GRIN2C: variants seen among roughly 807,000 people sequenced by gnomAD.
GRIN2C encodes glutamate receptor ionotropic, NMDA 2C.
A neutral mutation model predicts 77.7 loss-of-function variants in GRIN2C; 64 were observed. That is an observed-to-expected ratio of 0.82 (90% CI 0.67 to 1.01). The LOEUF is 1.01. GRIN2C is among the 50% of genes least tolerant of loss of function. The probability of loss-of-function intolerance (pLI) is 0.00; values close to 1 mark genes in which losing one functional copy is unlikely to be tolerated. For missense variants in GRIN2C, 1,549 were observed against 1,486.0 expected (o/e 1.04, Z -0.70); for synonymous variants, 792 against 643.4 (o/e 1.23, Z -3.49).
chr17:74,846,865 C>T lies in GRIN2C; in HGVS notation c.2057G>A (p.Gly686Asp), dbSNP rs373417749. The change falls in exon 10 of 13, where the codon GGC (glycine) becomes GAC (aspartate). Residue 686 changes from glycine to aspartate, a missense_variant. Physicochemically the swap from Gly to Asp is moderately conservative, Grantham distance 94 (BLOSUM62 -1). This residue lies in a region of GRIN2C where 717 missense variants were observed against 858.1 expected (regional missense o/e 0.84). Transcript: ENST00000293190. This position sits in a 1 kb window ranked among gnomAD's most constrained non-coding sequence, Gnocchi z 4.4. ...ACTGCGGATGTTCCGCTCCGTGCTG[C>T]CGTTGGGCACCGTGCCGAAGCGGAA... Reference protein sequence around the residue: ...PPFRFGTVPNGSTERNIRSNY... With the variant: ...PPFRFGTVPNDSTERNIRSNY... The T allele has an allele frequency of 1.9e-6, 3 of 1,614,130 alleles. No individual in the cohort carries two copies. Among genetic ancestry groups the T allele is most frequent in the Non-Finnish European group, 2.5e-6 (3 of 1,180,016 alleles).
intron 7 of GRIN2C, among the ~76,000 whole-genome samples, chr17:74,848,527 C>T (rs1161815284): frequency 1.3e-5 from 2 of 152,274 alleles, no homozygotes; most frequent in East Asian, 3.9e-4. Flanking sequence ...TGGCGAAACC[C>T]TGTCTCTACT....
chr17:74,848,032 C>T (rs1171619402), intron 7 of GRIN2C, 55 bp from the exon 8 acceptor site: 1 of 1,601,788 alleles, frequency 6.2e-7, no homozygotes, highest in Non-Finnish European at 8.5e-7. Context: ...GCCCCAGGCC[C>T]AGAAGCACTG....
At chr17:74,854,626 C>T (rs745959030) in intron 2 of GRIN2C, 68 bp downstream of exon 2, 1 of 1,413,164 alleles carries the variant, frequency 7.1e-7, no homozygotes, top group Non-Finnish European at 9.8e-7. Flanking sequence ...TTCCCAGAAC[C>T]AAAGCACCCC....
In GRIN2C at chr17:74,850,134, T is replaced by C; in HGVS notation, c.1491+72A>G. Reference sequence around the variant, plus strand: ...CCCATGCCCCCCTCTAGAGGGCATCTGAGAGCCACATGGGGCCTGGGCAGC... The same window carrying C: ...CCCATGCCCCCCTCTAGAGGGCATCCGAGAGCCACATGGGGCCTGGGCAGC... On this transcript the variant is annotated intron_variant, in intron 6 of 12. Coordinates refer to ENST00000293190, the MANE Select transcript of GRIN2C (RefSeq NM_000835.6). The surrounding 1 kb of genome is among the most constrained non-coding windows in gnomAD (Gnocchi z 5.3). 1 of 1,546,478 alleles carries C rather than the reference T, an allele frequency of 6.5e-7. No homozygotes were observed. The highest frequency in any genetic ancestry group is 8.9e-7 in the Non-Finnish European group (1 of 1,127,168).
rs1259796426 is a variant in GRIN2C, at chr17:74,852,491, C to G, written c.520G>C (p.Gly174Arg). 1 of 1,567,728 alleles carries G rather than the reference C, an allele frequency of 6.4e-7. No individual in the cohort carries two copies. The highest frequency in any genetic ancestry group is 1.4e-5 in the African/African-American group (1 of 70,944). ...ACGCCCTCCAGGAAGAGCGCGTGGC[C>G]CGGGTGCAGGCTGGTGATGACGGCG... ...AFAVITSLHP[G>R]HALFLEGVRA... The change falls in exon 3 of 13, where the codon GGC (glycine) becomes CGC (arginine). Residue 174 changes from glycine to arginine, a missense_variant. Transcript: ENST00000293190.
chr17:74,850,391 A>T lies in GRIN2C; in HGVS notation c.1326-20T>A. 6.2e-7 allele frequency: 1 copy of T among 1,605,626 alleles called. No homozygotes were observed. Among genetic ancestry groups the T allele is most frequent in the South Asian group, 1.1e-5 (1 of 91,066 alleles). On this transcript the variant is annotated intron_variant, in intron 5 of 12. Transcript: ENST00000293190. The surrounding 1 kb of genome is among the most constrained non-coding windows in gnomAD (Gnocchi z 5.3). The stretch of plus-strand genomic sequence containing the variant: ...CCGCTGCTGCAGCCATGCCGCCATG[A>T]GACCACCGGGAGTCAGAGTATGTCG...
At position 74,843,452 on chromosome 17, in the gene GRIN2C, C is replaced by T. The variant is rs1197630179; in HGVS notation, c.2685G>A (p.Lys895=). ...TASSAQASVL[K]MLQAARDMVT... ...CCATGTCGCGGGCTGCCTGCAGCATCTTGAGCACGCTGGCCTGGGCCGAGC... is the reference window on the plus strand; with the variant it reads ...CCATGTCGCGGGCTGCCTGCAGCATTTTGAGCACGCTGGCCTGGGCCGAGC... Residue 895 remains lysine, a synonymous_variant, in exon 13 of 13, where the codon AAG becomes AAA. Coordinates refer to ENST00000293190, the MANE Select transcript of GRIN2C (RefSeq NM_000835.6). The T allele has an allele frequency of 2.8e-5, 43 of 1,535,242 alleles. No individual in the cohort carries two copies. The highest frequency in any genetic ancestry group is 3.6e-5 in the Non-Finnish European group (41 of 1,146,338).
At chr17:74,860,307 G>A (rs999872765), upstream of GRIN2C, 38 of 406,812 alleles carry the variant, frequency 9.3e-5, no homozygotes, top group Non-Finnish European at 1.4e-4. Flanking sequence ...GTGGCCCGGG[G>A]TCAGGGACTG....
In GRIN2C at chr17:74,852,220, G is replaced by A. The variant is rs1198572798; in HGVS notation, c.791C>T (p.Ala264Val). ...VPNLALGSTD[A>V]PPATFPVGLI... is the part of the protein sequence containing the mutation. ...GCCCACGGGGAAGGTGGCGGGGGGC[G>A]CATCGGTGCTGCCCAGCGCCAGGTT... The change falls in exon 3 of 13, where the codon GCG becomes GTG. Residue 264 changes from alanine (A) to valine (V), a missense_variant. Ala to Val is a moderately conservative substitution (Grantham distance 64). This residue lies in a region of GRIN2C where 717 missense variants were observed against 858.1 expected (regional missense o/e 0.84). Transcript: ENST00000293190. 3.5e-6 allele frequency: 5 copies of A among 1,440,828 alleles called. No individual in the cohort carries two copies. Among genetic ancestry groups the A allele is most frequent in the East Asian group, 5.7e-5 (2 of 34,972 alleles). 89.3% of individuals were successfully genotyped at this position (1,440,828 alleles called of 1,614,324 possible).
At chr17:74,855,898 G>C (rs2037806451) in intron 1 of GRIN2C, among the ~76,000 whole-genome samples, 1 of 152,254 alleles carries the variant, frequency 6.6e-6, no homozygotes, top group African/African-American at 2.4e-5. Flanking sequence ...GCCTCAGCTA[G>C]TAGCAGCTCT....
In GRIN2C at chr17:74,843,253, G is replaced by A; in HGVS notation, c.2884C>T (p.Pro962Ser). 2.5e-6 allele frequency: 2 copies of A among 791,606 alleles called. No homozygotes were observed. Among genetic ancestry groups the A allele is most frequent in the Non-Finnish European group, 3.6e-6 (2 of 549,606 alleles). 49.0% of individuals were successfully genotyped at this position (791,606 alleles called of 1,614,324 possible). A position where few individuals can be genotyped will look rare whatever the true frequency, so the allele number is the denominator to read the frequency against. The part of the protein sequence containing the change: ...PPEPSPTGWG[P>S]PDGGRAALVR... ...AGCGCCGCGCGACCCCCGTCTGGCG[G>A]TCCCCAGCCCGTGGGGCTCGGCTCT... The change falls in exon 13 of 13, where the codon CCG (proline) becomes TCG (serine). Residue 962 changes from proline to serine, a missense_variant. Around this residue, in one of 3 missense-constraint regions of GRIN2C, gnomAD observed 450 missense variants for 267.9 expected, o/e 1.68. Coordinates refer to ENST00000293190, the MANE Select transcript of GRIN2C (RefSeq NM_000835.6).
rs576162554 is a variant in GRIN2C, at chr17:74,842,814, G to A, written c.3323C>T (p.Pro1108Leu). ...AGCTGPACARPDGHSACRRLA... is the reference protein window; with the variant it reads ...AGCTGPACARLDGHSACRRLA... ...GCGCCTGCAGGCCGAGTGGCCGTCG[G>A]GGCGGGCGCAGGCGGGGCCGGTGCA... Residue 1108 changes from proline to leucine, a missense_variant, in exon 13 of 13, where the codon CCC (proline) becomes CTC (leucine). Physicochemically the swap from Pro to Leu is moderately conservative, Grantham distance 98. Coordinates refer to ENST00000293190, the MANE Select transcript of GRIN2C (RefSeq NM_000835.6). 1.6e-6 allele frequency: 1 copy of A among 608,338 alleles called. No homozygotes were observed. Among genetic ancestry groups the A allele is most frequent in the Non-Finnish European group, 2.9e-6 (1 of 346,594 alleles). 37.7% of individuals were successfully genotyped at this position (608,338 alleles called of 1,614,324 possible).
chr17:74,856,082 TG>T (rs2037811513), intron 1 of GRIN2C, among the ~76,000 whole-genome samples: 1 of 152,208 alleles, frequency 6.6e-6, no homozygotes, highest in South Asian at 2.1e-4. Context: ...CACGTATCCT[TG>T]CTAAATGTCA....
rs1325304131 is a variant in GRIN2C, at chr17:74,843,376, C to T, written c.2761G>A (p.Glu921Lys). ...GCACGGCGGCCGCCACCCCAATTCT[C>T]GATGGTGCGAGTGGCGCGGTCCAGG... is the stretch of plus-strand genomic sequence containing the variant. Reference protein sequence around the residue: ...SSLDRATRTIENWGGGRRAPP... With the variant: ...SSLDRATRTIKNWGGGRRAPP... Residue 921 changes from glutamate (E) to lysine (K), a missense_variant, in exon 13 of 13, where the codon GAG becomes AAG. Around this residue, in one of 3 missense-constraint regions of GRIN2C, gnomAD observed 450 missense variants for 267.9 expected, o/e 1.68. Transcript: ENST00000293190. The T allele has an allele frequency of 3.3e-6, 5 of 1,531,186 alleles. No individual in the cohort carries two copies. The highest frequency in any genetic ancestry group is 2.2e-4 in the Middle Eastern group (1 of 4,578). 94.8% of individuals were successfully genotyped at this position (1,531,186 alleles called of 1,614,324 possible). A position where few individuals can be genotyped will look rare whatever the true frequency, so the allele number is the denominator to read the frequency against.
rs749936161 is a variant in GRIN2C at position 74,852,554 on chromosome 17, G to C, written c.457C>G (p.Leu153Val). 2 of 1,518,180 alleles carry C rather than the reference G, an allele frequency of 1.3e-6. No individual in the cohort carries two copies. Among genetic ancestry groups the C allele is most frequent in the Non-Finnish European group, 1.8e-6 (2 of 1,137,866 alleles). 94.0% of individuals were successfully genotyped at this position (1,518,180 alleles called of 1,614,324 possible). The stretch of plus-strand genomic sequence containing the variant: ...TCGTACTCTTCCAGCACCTTGAACA[G>C]CACCTGCAGCTGCTGCTCCAGGGAC... Reference protein sequence around the residue: ...GVSLEQQLQVLFKVLEEYDWS... With the variant: ...GVSLEQQLQVVFKVLEEYDWS... The change falls in exon 3 of 13, where the codon CTG (leucine) becomes GTG (valine). Residue 153 changes from leucine (L) to valine (V), a missense_variant. Physicochemically the swap from Leu to Val is conservative, Grantham distance 32 (BLOSUM62 1). Around this residue, in one of 3 missense-constraint regions of GRIN2C, gnomAD observed 382 missense variants for 360.0 expected, o/e 1.06. Transcript: ENST00000293190.
At position 74,844,526 on chromosome 17, in the gene GRIN2C, A is replaced by G. The variant is rs766587072; in HGVS notation, c.2351-18T>C. 1 of 1,609,966 alleles carries G rather than the reference A, an allele frequency of 6.2e-7. No individual in the cohort carries two copies. Among genetic ancestry groups the G allele is most frequent in the South Asian group, 1.1e-5 (1 of 90,966 alleles). ...TGTCTCTCCTGGAGTTGGGGGGTGT[A>G]CACATCTGGCTCAGGAAACCCCCCT... is the stretch of plus-strand genomic sequence containing the variant. On this transcript the variant is annotated intron_variant, in intron 11 of 12. Transcript: ENST00000293190.
chr17:74,844,172 C>T lies in GRIN2C; in HGVS notation c.2583+104G>A, dbSNP rs576014045. 3,412 of 1,530,692 alleles carry T rather than the reference C, an allele frequency of 2.2e-3. 10 individuals carry two copies. Among genetic ancestry groups the T allele is most frequent in the Non-Finnish European group, 2.6e-3 (3,022 of 1,140,654 alleles). The allele number at this position is 1,530,692 out of a possible 1,614,324, so 94.8% of individuals were successfully genotyped here. On this transcript the variant is annotated intron_variant, in intron 12 of 12. Coordinates refer to ENST00000293190, the MANE Select transcript of GRIN2C (RefSeq NM_000835.6). ...TACAGGTGTGAGCCATGAGCCGGGC[C>T]AGAACCTTGGTTTTACCTCTGGAAA...
Position 74,854,963 on chromosome 17 carries a change from C to A in GRIN2C, c.130G>T (p.Ala44Ser), listed in dbSNP as rs762932688. The A allele has an allele frequency of 1.9e-6, 3 of 1,611,742 alleles. No homozygotes were observed. The highest frequency in any genetic ancestry group is 1.7e-6 in the Non-Finnish European group (2 of 1,179,964). The stretch of plus-strand genomic sequence containing the variant: ...GGGGTGAGGCGGGCACGGAACTGGG[C>A]CTGGGGCGGCCCTGAGCTGCTAAAC... ...VVFSSSGPPQ[A>S]QFRARLTPQS... The change falls in exon 2 of 13, where the codon GCC (alanine) becomes TCC (serine). Residue 44 changes from alanine to serine, a missense_variant. By Grantham distance (99) the Ala-to-Ser change is moderately conservative. This residue lies in a region of GRIN2C where 382 missense variants were observed against 360.0 expected (regional missense o/e 1.06). Transcript: ENST00000293190.
intron 1 of GRIN2C, among the ~76,000 whole-genome samples, chr17:74,856,480 TC>T (rs1454659917): frequency 1.2e-4 from 8 of 67,344 alleles, no homozygotes; most frequent in African/African-American, 2.8e-4. Flanking sequence ...TCTCTCTCTC[TC>T]TTTTTTTTTT....
Sources: gnomAD v4.1 joint callset for allele counts (sites outside exome capture counted in the v4.1 genomes callset) on GRCh38, gnomAD v4.1.1 for gene constraint, gnomAD v4.1.1 regional missense constraint, Gnocchi (gnomAD v3.1) non-coding constraint, MANE v1.5 for transcripts, NCBI Gene and HGNC (gene_info 2026-07-23, HGNC 2026-07-21) for gene names.